Variants in USH2A observed in about 807,000 individuals in gnomAD.
USH2A encodes the protein usherin, also known as Usher syndrome 2A (autosomal recessive, mild).
A neutral mutation model predicts 538.9 loss-of-function variants in USH2A; 443 were observed. The observed-to-expected ratio is 0.82, with a 90% confidence interval of 0.76 to 0.89. The LOEUF is 0.89. USH2A is among the 40% of genes least tolerant of loss of function. The pLI is 0.00. For missense variants in USH2A, 6,633 were observed against 6,324.8 expected (o/e 1.05, Z -1.65); for synonymous variants, 2,413 against 2,273.5 (o/e 1.06, Z -1.75).
chr1:216,253,014 T>C (rs1048159413), intron 11 of USH2A, among the ~76,000 whole-genome samples: 1 of 152,208 alleles, frequency 6.6e-6, no homozygotes, highest in African/African-American at 2.4e-5. Context: ...GCATTGGACA[T>C]ATGTGATGTT....
intron 50 of USH2A, among the ~76,000 whole-genome samples, chr1:215,795,345 G>A (rs1003979566): frequency 1.3e-5 from 2 of 152,094 alleles, no homozygotes; most frequent in East Asian, 3.9e-4. Flanking sequence ...TGATCTCTCC[G>A]TCTTAAGAAT....
chr1:215,657,355 G>A (rs967602957), intron 64 of USH2A, among the ~76,000 whole-genome samples: 1 of 152,140 alleles, frequency 6.6e-6, no homozygotes, highest in African/African-American at 2.4e-5. Flanking sequence ...CTGGAATCGC[G>A]GTTAAAGAAT....
rs111033399 is a variant in USH2A, at chr1:216,072,963, A to G, written c.5783T>C (p.Leu1928Pro). The change falls in exon 29 of 72, where the codon CTG becomes CCG. Residue 1928 changes from leucine to proline, a missense_variant. Physicochemically the swap from Leu to Pro is moderately conservative, Grantham distance 98. Transcript: ENST00000307340. Reference protein sequence around the residue: ...EGGLQPFTEYLYRVIASHEGG... With the variant: ...EGGLQPFTEYPYRVIASHEGG... ...TTCATGCGAGGCTATCACTCGATAC[A>G]GGTATTCTTAAATGGAAATAAGATG... 6.2e-7 allele frequency: 1 copy of G among 1,613,894 alleles called. No individual in the cohort carries two copies. Among genetic ancestry groups the G allele is most frequent in the Non-Finnish European group, 8.5e-7 (1 of 1,179,906 alleles).
At chr1:215,887,610 A>C (rs2102459290) in intron 41 of USH2A, among the ~76,000 whole-genome samples, 1 of 152,358 alleles carries the variant, frequency 6.6e-6, no homozygotes, top group Admixed American at 6.5e-5. Flanking sequence ...TTGTAGGTTA[A>C]ATTAAATTTC....
chr1:215,842,141 T>C (rs1053052891), intron 46 of USH2A, among the ~76,000 whole-genome samples: 1 of 152,162 alleles, frequency 6.6e-6, no homozygotes, highest in African/African-American at 2.4e-5. Context: ...CTGGTCAACA[T>C]GGTGAAACCC....
intron 49 of USH2A, among the ~76,000 whole-genome samples, chr1:215,806,925 C>T (rs1445219085): frequency 1.3e-5 from 2 of 151,942 alleles, no homozygotes; most frequent in Non-Finnish European, 1.5e-5. Flanking sequence ...CAGTTATTCC[C>T]CAAGAGTTTA....
intron 61 of USH2A, among the ~76,000 whole-genome samples, chr1:215,725,028 A>G (rs572835024): frequency 9.4e-4 from 143 of 152,240 alleles, no homozygotes; most frequent in African/African-American, 3.0e-3. Flanking sequence ...TGGATAAGTA[A>G]TAGAACTTCC....
intron 56 of USH2A, among the ~76,000 whole-genome samples, chr1:215,760,198 C>A (rs1312229130): frequency 1.3e-5 from 2 of 152,046 alleles, no homozygotes; most frequent in Non-Finnish European, 2.9e-5. Context: ...CGAGTATGTA[C>A]CTGAATTATA....
intron 32 of USH2A, among the ~76,000 whole-genome samples, chr1:216,035,032 T>C (rs1380861908): frequency 6.6e-6 from 1 of 152,196 alleles, no homozygotes; most frequent in Non-Finnish European, 1.5e-5. Flanking sequence ...CTTTTCTAAA[T>C]ATTTTCATTA....
chr1:216,175,030 A>G lies in USH2A; in HGVS notation c.4627+222T>C, dbSNP rs556473164. On this transcript the variant is annotated intron_variant, in intron 21 of 71. Coordinates refer to ENST00000307340, the MANE Select transcript of USH2A (RefSeq NM_206933.4). ...TTTGATCCAATAAGGCTGCTTCTTCATCTTCATCTTTTATTTTTCCTTTCC... is the reference window on the plus strand; with the variant it reads ...TTTGATCCAATAAGGCTGCTTCTTCGTCTTCATCTTTTATTTTTCCTTTCC... The G allele has an allele frequency of 2.2e-6, 3 of 1,382,136 alleles. No individual in the cohort carries two copies. In the African/African-American group the frequency reaches 4.4e-5, roughly 20 times the overall value. 85.6% of individuals were successfully genotyped at this position (1,382,136 alleles called of 1,614,324 possible). A position where few individuals can be genotyped will look rare whatever the true frequency, so the allele number is the denominator to read the frequency against.
intron 40 of USH2A, among the ~76,000 whole-genome samples, chr1:215,890,562 C>G (rs534499846): frequency 2.9e-4 from 44 of 152,038 alleles, no homozygotes; most frequent in African/African-American, 1.0e-3. Flanking sequence ...AAGAGAAATC[C>G]CTAAAAAAAA....
At chr1:216,037,218 C>A (rs2030025265) in intron 32 of USH2A, among the ~76,000 whole-genome samples, 1 of 152,030 alleles carries the variant, frequency 6.6e-6, no homozygotes, top group Non-Finnish European at 1.5e-5. Context: ...AACTGTCATA[C>A]AATTTCTCAT....
intron 61 of USH2A, among the ~76,000 whole-genome samples, chr1:215,692,086 G>T (rs1008839654): frequency 2.0e-5 from 3 of 152,284 alleles, no homozygotes; most frequent in South Asian, 2.1e-4. Context: ...TTTTAAAGAA[G>T]TGTGGTAAGC....
chr1:216,215,065 C>G (rs116037372), intron 15 of USH2A, among the ~76,000 whole-genome samples: 2 of 152,148 alleles, frequency 1.3e-5, no homozygotes, highest in African/African-American at 2.4e-5. Context: ...GGGAAATTTA[C>G]TATAAGAAAA....
In USH2A at chr1:216,250,952, A is replaced by G; in HGVS notation, c.2118T>C (p.Ile706=). The part of the protein sequence containing the change: ...CNTSGTVDGD[I]TCHQNSGQCK... ...ACTGGCCTGAATTTTGGTGACAGGT[A>G]ATATCTCCATCCACTGTCCCAGAGG... The change falls in exon 12 of 72, where the codon ATT becomes ATC. Residue 706 remains isoleucine (I), a synonymous_variant. Coordinates refer to ENST00000307340, the MANE Select transcript of USH2A (RefSeq NM_206933.4). The G allele has an allele frequency of 5.0e-6, 8 of 1,614,050 alleles. No individual in the cohort carries two copies. The highest frequency in any genetic ancestry group is 6.8e-6 in the Non-Finnish European group (8 of 1,179,980).
At chr1:216,184,984 T>A (rs187237826) in intron 20 of USH2A, among the ~76,000 whole-genome samples, 238 of 152,036 alleles carry the variant, frequency 1.6e-3, no homozygotes, top group Non-Finnish European at 2.6e-3. Flanking sequence ...CAGGAATGGA[T>A]CTCCAAAAGT....
At chr1:215,969,943 G>A (rs1175587889) in intron 36 of USH2A, among the ~76,000 whole-genome samples, 11 of 152,132 alleles carry the variant, frequency 7.2e-5, no homozygotes, top group Non-Finnish European at 4.4e-5. Flanking sequence ...GTAATGTGAT[G>A]TTTTGAAACT....
intron 11 of USH2A, among the ~76,000 whole-genome samples, chr1:216,275,735 A>G (rs2036658878): frequency 6.6e-6 from 1 of 152,180 alleles, no homozygotes; most frequent in African/African-American, 2.4e-5. Context: ...AGGTACATTA[A>G]GTCTCTAATA....
At chr1:215,750,082 A>G (rs1392330466) in intron 58 of USH2A, among the ~76,000 whole-genome samples, 1 of 152,214 alleles carries the variant, frequency 6.6e-6, no homozygotes, top group Non-Finnish European at 1.5e-5. Context: ...GAGCTGGAAC[A>G]GGAAAAATTC....
Sources: allele counts gnomAD v4.1 joint callset (sites outside exome capture counted in the v4.1 genomes callset), GRCh38; gene constraint gnomAD v4.1.1; transcripts MANE v1.5; gene names NCBI Gene and HGNC (gene_info 2026-07-23, HGNC 2026-07-21).